DLG2: variants seen among roughly 807,000 people sequenced by gnomAD.
DLG2 encodes discs large MAGUK scaffold protein 2.
A neutral mutation model predicts 132.5 loss-of-function variants in DLG2; 45 were observed. The ratio of observed to expected loss-of-function variants is 0.34; its 90% CI spans 0.27 to 0.44. The LOEUF (loss-of-function observed/expected upper bound fraction) is 0.44. DLG2 is among the 20% of genes least tolerant of loss of function. The pLI is 1.00. For missense variants in DLG2, 1,045 were observed against 1,196.9 expected (o/e 0.87, Z 1.87); for synonymous variants, 424 against 419.6 (o/e 1.01, Z -0.13).
chr11:84,928,955 GAT>G (rs1491437736), intron 6 of DLG2, among the ~76,000 whole-genome samples: 4 of 92,156 alleles, frequency 4.3e-5, no homozygotes, highest in Admixed American at 1.2e-4. Context: ...AATACTCTCT[GAT>G]ATGTGTGTGT....
At chr11:84,371,698 AC>A (rs1290037243) in intron 7 of DLG2, among the ~76,000 whole-genome samples, 1 of 152,178 alleles carries the variant, frequency 6.6e-6, no homozygotes, top group Non-Finnish European at 1.5e-5. Flanking sequence ...TTATTCCTAT[AC>A]TTCTCATGGT....
At chr11:84,502,220 T>TC (rs1567803646) in intron 7 of DLG2, among the ~76,000 whole-genome samples, 181 of 6,090 alleles carry the variant, frequency 0.03, 38 homozygotes, top group African/African-American at 0.042. Context: ...CCTTCCTTCC[T>TC]TCCTTCCTTC....
chr11:84,780,690 T>C (rs1254551450), intron 6 of DLG2, among the ~76,000 whole-genome samples: 1 of 152,066 alleles, frequency 6.6e-6, no homozygotes, highest in Non-Finnish European at 1.5e-5. Context: ...CTTATTGTGG[T>C]TATAATTTTC....
chr11:84,659,522 T>A (rs528296566), intron 6 of DLG2, among the ~76,000 whole-genome samples: 14 of 152,304 alleles, frequency 9.2e-5, no homozygotes, highest in African/African-American at 3.4e-4. Flanking sequence ...AGTGCTTTTA[T>A]GATTATCTGG....
At chr11:85,118,262 G>A (rs1340318002) in intron 5 of DLG2, among the ~76,000 whole-genome samples, 3 of 152,060 alleles carry the variant, frequency 2.0e-5, no homozygotes, top group African/African-American at 7.2e-5. Context: ...AAATGCTGCT[G>A]ACCTATTCTC....
intron 6 of DLG2, among the ~76,000 whole-genome samples, chr11:84,716,685 G>T (rs1167642654): frequency 6.8e-6 from 1 of 148,004 alleles, no homozygotes. Flanking sequence ...TTGTAGGTGT[G>T]ATGATGGCAT....
intron 7 of DLG2, among the ~76,000 whole-genome samples, chr11:84,509,612 G>T (rs930584392): frequency 9.2e-5 from 14 of 152,222 alleles, no homozygotes; most frequent in African/African-American, 3.4e-4. Flanking sequence ...GGAAGAGTCA[G>T]CCCACCCAAC....
At chr11:83,524,784 T>C (rs2095565202) in intron 21 of DLG2, among the ~76,000 whole-genome samples, 1 of 152,112 alleles carries the variant, frequency 6.6e-6, no homozygotes, top group South Asian at 2.1e-4. Flanking sequence ...TGTTTCCTGA[T>C]TTCTGCCAAC....
At chr11:83,971,172 G>A (rs933046046) in intron 12 of DLG2, among the ~76,000 whole-genome samples, 1 of 151,894 alleles carries the variant, frequency 6.6e-6, no homozygotes, top group Non-Finnish European at 1.5e-5. Context: ...GGTGAACACT[G>A]AGCAACTGGC....
At chr11:83,601,786 G>T (rs1043576784) in intron 19 of DLG2, among the ~76,000 whole-genome samples, 1 of 151,976 alleles carries the variant, frequency 6.6e-6, no homozygotes, top group Non-Finnish European at 1.5e-5. Flanking sequence ...GCCTCCCAAA[G>T]TGCTGGGGTT....
upstream of DLG2, chr11:85,627,619 T>G (rs1015377999): frequency 6.6e-6 from 1 of 152,260 alleles, no homozygotes; most frequent in Non-Finnish European, 1.5e-5. Context: ...CGCGATTTCC[T>G]AAATGAGAAA....
rs145597979 is a variant in DLG2, at chr11:85,289,841, ATGC to A, written c.41-4479_41-4477del. Among the ~76,000 whole-genome samples the A allele has an allele frequency of 4.7e-3, 720 of 152,288 alleles. 4 individuals carry two copies. The highest frequency in any genetic ancestry group is 0.016 in the African/African-American group (661 of 41,564). On this transcript the variant is annotated intron_variant, in intron 3 of 27. Transcript: ENST00000376104. ...CATACTTTCTCTTCTGCAAAGTAAA[ATGC>A]TGCTGTTTTCTCCTGTTCCAAAAAC...
chr11:83,716,166 G>C (rs1261759800), intron 18 of DLG2, among the ~76,000 whole-genome samples: 1 of 152,098 alleles, frequency 6.6e-6, no homozygotes, highest in Non-Finnish European at 1.5e-5. Flanking sequence ...CAAAGGTCAG[G>C]GAAGCACGTG....
At chr11:84,080,502 A>G (rs2096887137) in intron 10 of DLG2, among the ~76,000 whole-genome samples, 1 of 152,196 alleles carries the variant, frequency 6.6e-6, no homozygotes, top group South Asian at 2.1e-4. Context: ...CATAAGGCAC[A>G]ATCAATCATT....
chr11:85,049,919 A>C (rs1385418126), intron 6 of DLG2, among the ~76,000 whole-genome samples: 1 of 152,128 alleles, frequency 6.6e-6, no homozygotes, highest in African/African-American at 2.4e-5. Flanking sequence ...ATATATTGCC[A>C]GATTTCTCAT....
At chr11:83,673,555 C>T (rs2153579806) in intron 18 of DLG2, among the ~76,000 whole-genome samples, 1 of 152,148 alleles carries the variant, frequency 6.6e-6, no homozygotes, top group Admixed American at 6.5e-5. Flanking sequence ...GGTAGAAGGC[C>T]CACTAGCACT....
intron 3 of DLG2, among the ~76,000 whole-genome samples, chr11:85,364,113 C>A (rs757747331): frequency 2.0e-4 from 31 of 152,042 alleles, no homozygotes; most frequent in Non-Finnish European, 3.4e-4. Context: ...GTAATAAGCA[C>A]CTTGGCTGAG....
chr11:84,951,193 G>C (rs1591736608), intron 6 of DLG2, among the ~76,000 whole-genome samples: 1 of 152,158 alleles, frequency 6.6e-6, no homozygotes, highest in Non-Finnish European at 1.5e-5. Context: ...ATACCATTTA[G>C]AATGTCTCAT....
chr11:84,467,837 T>C (rs2099098454), intron 7 of DLG2, among the ~76,000 whole-genome samples: 1 of 151,484 alleles, frequency 6.6e-6, no homozygotes, highest in African/African-American at 2.4e-5. Flanking sequence ...ACTTTCAAAT[T>C]GTTCTGTGAA....
Sources: gnomAD v4.1 joint callset for allele counts (sites outside exome capture counted in the v4.1 genomes callset) on GRCh38, gnomAD v4.1.1 for gene constraint, MANE v1.5 for transcripts, NCBI Gene and HGNC (gene_info 2026-07-23, HGNC 2026-07-21) for gene names.